The following GBE1 variants were observed in gnomAD, a reference collection of about 807,000 sequenced individuals.
GBE1 encodes the protein 1,4-alpha-glucan-branching enzyme.
GBE1 carries 70 observed loss-of-function variants against 88.8 expected under a neutral mutation model. That is an observed-to-expected ratio of 0.79 (90% CI 0.65 to 0.96). The LOEUF is 0.96. GBE1 is among the 40% of genes least tolerant of loss of function. The probability of loss-of-function intolerance (pLI) is 0.00; values close to 1 mark genes in which losing one functional copy is unlikely to be tolerated. For synonymous variants in GBE1, 284 were observed against 300.1 expected (o/e 0.95, Z 0.56); for missense variants, 872 against 871.0 (o/e 1.00, Z -0.01).
chr3:81,613,125 A>T, intron 7 of GBE1: 1 of 406,208 alleles, frequency 2.5e-6, no homozygotes, highest in Non-Finnish European at 4.3e-6. Context: ...AATGTTCTCC[A>T]GTCCTTGGGA....
intron 7 of GBE1, among the ~76,000 whole-genome samples, chr3:81,640,142 T>C (rs1393260876): frequency 6.6e-6 from 1 of 152,198 alleles, no homozygotes; most frequent in Admixed American, 6.5e-5. Context: ...CTAATTGTGA[T>C]GGTTTATACT....
At chr3:81,745,037 G>C (rs1483931352) in intron 1 of GBE1, among the ~76,000 whole-genome samples, 2 of 151,562 alleles carry the variant, frequency 1.3e-5, no homozygotes, top group Non-Finnish European at 2.9e-5. Flanking sequence ...TATCTACTCT[G>C]TGTTTATTTG....
At chr3:81,680,326 T>C (rs932511797) in intron 2 of GBE1, among the ~76,000 whole-genome samples, 1 of 151,930 alleles carries the variant, frequency 6.6e-6, no homozygotes, top group Non-Finnish European at 1.5e-5. Flanking sequence ...ACACCGTCTC[T>C]ACTAAAAATG....
chr3:81,677,521 A>G (rs1221170336), intron 2 of GBE1, among the ~76,000 whole-genome samples: 1 of 152,236 alleles, frequency 6.6e-6, no homozygotes, highest in African/African-American at 2.4e-5. Flanking sequence ...AAAGGCTTAT[A>G]AAGATTGAAG....
intron 1 of GBE1, among the ~76,000 whole-genome samples, chr3:81,760,367 CA>C (rs1706662146): frequency 6.6e-6 from 1 of 152,160 alleles, no homozygotes. Context: ...TTTCAAACTC[CA>C]AATCAACCCA....
intron 3 of GBE1, among the ~76,000 whole-genome samples, chr3:81,660,040 T>G (rs200196677): frequency 1.3e-5 from 2 of 152,158 alleles, no homozygotes; most frequent in East Asian, 3.9e-4. Context: ...GAAATAGATA[T>G]GTATGTACAA....
chr3:81,627,641 G>A (rs1704436800), intron 7 of GBE1, among the ~76,000 whole-genome samples: 2 of 151,788 alleles, frequency 1.3e-5, no homozygotes, highest in Admixed American at 1.3e-4. Context: ...ATCAATTCGA[G>A]CTCAACTGAG....
intron 7 of GBE1, among the ~76,000 whole-genome samples, chr3:81,641,785 T>C (rs1297514106): frequency 1.3e-5 from 2 of 151,894 alleles, no homozygotes; most frequent in Non-Finnish European, 1.5e-5. Context: ...CTCTTCATTT[T>C]ATAAAATTAT....
rs1704133825 is a variant in GBE1 at position 81,608,686 on chromosome 3, TG to T, written c.993-14664del. On this transcript the variant is annotated intron_variant, in intron 7 of 15. Coordinates refer to ENST00000429644, the MANE Select transcript of GBE1 (RefSeq NM_000158.4). The stretch of plus-strand genomic sequence containing the variant: ...ATGATTTCCTCTCCCCTTTGGCTGC[TG>T]GCAGTCTGCATGCTGGGATAAAAAA... Among the ~76,000 whole-genome samples the T allele has an allele frequency of 6.6e-5, 10 of 152,312 alleles. 1 individual carries two copies. In the South Asian group the frequency reaches 2.1e-3, roughly 32 times the overall value.
chr3:81,696,244 T>C lies in GBE1; in HGVS notation c.313+9200A>G, dbSNP rs1181859823. On this transcript the variant is annotated intron_variant, in intron 2 of 15. Coordinates refer to ENST00000429644, the MANE Select transcript of GBE1 (RefSeq NM_000158.4). ...ACTAATCAGTGAATTCCAATTCACC[T>C]GCATGAAACAACTGCTTGGATGAGC... Among the ~76,000 whole-genome samples, 4 of 152,208 alleles carry C rather than the reference T, an allele frequency of 2.6e-5. No homozygotes were observed. The East Asian group carries it at 7.7e-4, about 29-fold the overall frequency.
chr3:81,740,610 T>C (rs1356691705), intron 1 of GBE1, among the ~76,000 whole-genome samples: 1 of 151,976 alleles, frequency 6.6e-6, no homozygotes, highest in Admixed American at 6.6e-5. Flanking sequence ...GAATTGAAAA[T>C]GAGGAGTATG....
chr3:81,633,891 A>G (rs923279301), intron 7 of GBE1, among the ~76,000 whole-genome samples: 4 of 152,160 alleles, frequency 2.6e-5, no homozygotes, highest in Non-Finnish European at 5.9e-5. Flanking sequence ...TCCTGCATGT[A>G]TGTTGCTTTG....
chr3:81,717,374 C>T (rs1705952975), intron 1 of GBE1, among the ~76,000 whole-genome samples: 1 of 152,172 alleles, frequency 6.6e-6, no homozygotes. Context: ...GTAGTATGCT[C>T]CTGAGAATGT....
intron 13 of GBE1, among the ~76,000 whole-genome samples, chr3:81,536,295 T>C (rs9868543): frequency 0.067 from 10,200 of 151,900 alleles, 578 homozygotes; most frequent in African/African-American, 0.15. Context: ...AAATGGATTA[T>C]AACGAAGACA....
Position 81,589,392 on chromosome 3 carries a change from A to C in GBE1, c.1236+1645T>G, listed in dbSNP as rs181825278. Among the ~76,000 whole-genome samples the C allele has an allele frequency of 2.3e-3, 357 of 152,058 alleles. 3 individuals carry two copies. The highest frequency in any genetic ancestry group is 8.2e-3 in the African/African-American group (341 of 41,552). On this transcript the variant is annotated intron_variant, in intron 9 of 15. Transcript: ENST00000429644. Reference sequence around the variant, plus strand: ...AAATACATTCCTTTTCTTAAAAAAAAAAAAGTTCATGGGGATCAATTCTAC... The same window carrying C: ...AAATACATTCCTTTTCTTAAAAAAACAAAAGTTCATGGGGATCAATTCTAC...
chr3:81,659,429 A>T (rs1184954160), intron 3 of GBE1, among the ~76,000 whole-genome samples: 1 of 151,028 alleles, frequency 6.6e-6, no homozygotes, highest in Non-Finnish European at 1.5e-5. Flanking sequence ...TCCACCTCCC[A>T]GGTTCAAGGG....
chr3:81,661,813 TA>T (rs1705035644), intron 3 of GBE1, among the ~76,000 whole-genome samples: 1 of 152,056 alleles, frequency 6.6e-6, no homozygotes, highest in Non-Finnish European at 1.5e-5. Context: ...TAAAAAATAA[TA>T]ATAATAAATT....
chr3:81,581,568 T>C (rs1335749013), intron 10 of GBE1, among the ~76,000 whole-genome samples: 1 of 152,038 alleles, frequency 6.6e-6, no homozygotes, highest in Non-Finnish European at 1.5e-5. Context: ...TTTTCTGTAA[T>C]AACTGCCACC....
chr3:81,685,962 A>G (rs1037676094), intron 2 of GBE1, among the ~76,000 whole-genome samples: 1 of 152,142 alleles, frequency 6.6e-6, no homozygotes, highest in Non-Finnish European at 1.5e-5. Flanking sequence ...GTCACCACAG[A>G]CTTGAAAATT....
Sources: gnomAD v4.1 joint callset for allele counts (sites outside exome capture counted in the v4.1 genomes callset) on GRCh38, gnomAD v4.1.1 for gene constraint, MANE v1.5 for transcripts, NCBI Gene and HGNC (gene_info 2026-07-23, HGNC 2026-07-21) for gene names.